Variants in LIX1 observed in about 807,000 individuals in gnomAD.
LIX1 encodes the protein protein limb expression 1 homolog.
Under a neutral mutation model 33.4 loss-of-function variants are expected in LIX1, and 24 were observed. The observed-to-expected ratio is 0.72, with a 90% CI of 0.52 to 1.01. LIX1 has a LOEUF of 1.01. Among genes scored for constraint, LIX1 ranks in the 50% least tolerant of loss-of-function variants. LIX1 has a pLI of 0.00. For missense variants in LIX1, 311 were observed against 339.2 expected (o/e 0.92, Z 0.65); for synonymous variants, 124 against 124.0 (o/e 1.00, Z 0.00).
chr5:97,121,069 T>C (rs1747772267), intron 2 of LIX1, among the ~76,000 whole-genome samples: 1 of 152,226 alleles, frequency 6.6e-6, no homozygotes, highest in South Asian at 2.1e-4. Flanking sequence ...GAAATAGTTT[T>C]TGATTTTGTT....
chr5:97,092,072 G>A lies in LIX1; in HGVS notation c.*2676C>T, dbSNP rs17630580. 0.032 allele frequency: 4,857 copies of A among 152,346 alleles called. 121 individuals carry two copies. The highest frequency in any genetic ancestry group is 0.083 in the South Asian group (399 of 4,822). 9.4% of individuals were successfully genotyped at this position (152,346 alleles called of 1,614,324 possible). A position where few individuals can be genotyped will look rare whatever the true frequency, so the allele number is the denominator to read the frequency against. On this transcript the variant is annotated 3_prime_UTR_variant, in exon 6 of 6. Transcript: ENST00000274382. ...AGTTGTGTTAGAAACAGGCTACCTG[G>A]GCTATGTCTGAGTTATGTTGGATCC... is the stretch of plus-strand genomic sequence containing the variant.
chr5:97,124,772 G>T, intron 1 of LIX1, 143 bp from the exon 2 acceptor site: 2 of 468,866 alleles, frequency 4.3e-6, no homozygotes, highest in Admixed American at 7.7e-5. Flanking sequence ...GGGTGGAGGG[G>T]CTTTTAGCTG....
In LIX1 at chr5:97,094,668, C is replaced by A. The variant is rs1746252025; in HGVS notation, c.*80G>T. The A allele has an allele frequency of 6.0e-6, 8 of 1,333,212 alleles. No individual in the cohort carries two copies. The South Asian group carries it at 6.8e-5, about 11-fold the overall frequency. The allele number at this position is 1,333,212 out of a possible 1,614,324, so 82.6% of individuals were successfully genotyped here. A position where few individuals can be genotyped will look rare whatever the true frequency, so the allele number is the denominator to read the frequency against. ...TCAGGTAGTACTAGAGATGCTGGAG[C>A]CTCTGAGGACCTCTGCACTGAGATT... is the stretch of plus-strand genomic sequence containing the variant. On this transcript the variant is annotated 3_prime_UTR_variant, in exon 6 of 6. Transcript: ENST00000274382.
intron 1 of LIX1, among the ~76,000 whole-genome samples, chr5:97,135,451 G>A (rs1748151420): frequency 1.3e-5 from 2 of 152,194 alleles, no homozygotes; most frequent in African/African-American, 4.8e-5. Context: ...GAAGCCTGAT[G>A]TACCCTATTT....
intron 1 of LIX1, among the ~76,000 whole-genome samples, chr5:97,125,181 A>C (rs1212359429): frequency 1.3e-5 from 2 of 152,230 alleles, no homozygotes; most frequent in African/African-American, 4.8e-5. Context: ...GAGGCTGGAA[A>C]AATCCATGAG....
intron 2 of LIX1, among the ~76,000 whole-genome samples, chr5:97,116,381 T>C (rs1475185384): frequency 6.6e-6 from 1 of 151,992 alleles, no homozygotes; most frequent in Non-Finnish European, 1.5e-5. Flanking sequence ...GCTGCAAATA[T>C]GTTGGGAACA....
chr5:97,124,522 G>T lies in LIX1; in HGVS notation c.190C>A (p.Pro64Thr), dbSNP rs1189468561. Reference protein sequence around the residue: ...VVYESLPAPGPPFVSYVTLPG... With the variant: ...VVYESLPAPGTPFVSYVTLPG... Reference sequence around the variant, plus strand: ...AGGGTCACGTAACTCACAAAGGGAGGCCCAGGAGCTGGCAGTGACTCATAG... The same window carrying T: ...AGGGTCACGTAACTCACAAAGGGAGTCCCAGGAGCTGGCAGTGACTCATAG... Residue 64 changes from proline (P) to threonine (T), a missense_variant, in exon 2 of 6, where the codon CCT becomes ACT. Physicochemically the swap from Pro to Thr is conservative, Grantham distance 38 (BLOSUM62 -1). Transcript: ENST00000274382. 1 of 1,611,306 alleles carries T rather than the reference G, an allele frequency of 6.2e-7. No homozygotes were observed.
At chr5:97,110,301 A>G (rs1024607199) in intron 2 of LIX1, among the ~76,000 whole-genome samples, 4 of 152,250 alleles carry the variant, frequency 2.6e-5, no homozygotes, top group African/African-American at 4.8e-5. Context: ...GGAGAATTAA[A>G]ACAAACACAA....
At position 97,100,342 on chromosome 5, in the gene LIX1, C is replaced by CT. The variant is rs570865100; in HGVS notation, c.484-3456dup. ...AAATTTCTATCCCATCACGAAGCAG[C>CT]TTTTTTTTTCTCTCCAGTAACACAA... On this transcript the variant is annotated intron_variant, in intron 4 of 5. Transcript: ENST00000274382. Among the ~76,000 whole-genome samples, 144 of 151,642 alleles carry CT rather than the reference C, an allele frequency of 9.5e-4. 1 individual carries two copies. The highest frequency in any genetic ancestry group is 1.6e-3 in the Admixed American group (24 of 15,244).
intron 4 of LIX1, among the ~76,000 whole-genome samples, chr5:97,098,865 G>A (rs1381991658): frequency 6.6e-6 from 1 of 152,174 alleles, no homozygotes; most frequent in Non-Finnish European, 1.5e-5. Context: ...CAGATTATTA[G>A]AAGAGCAAAT....
chr5:97,116,641 G>A (rs10039917), intron 2 of LIX1, among the ~76,000 whole-genome samples: 54,760 of 152,040 alleles, frequency 0.36, 11,973 homozygotes, highest in African/African-American at 0.62. Flanking sequence ...TTACAAGCCT[G>A]TGTTGTGCTT....
chr5:97,101,214 T>G (rs978411163), intron 4 of LIX1, among the ~76,000 whole-genome samples: 5 of 152,190 alleles, frequency 3.3e-5, no homozygotes, highest in Non-Finnish European at 5.9e-5. Flanking sequence ...AATTTTGAGT[T>G]TAAAAAATAA....
intron 4 of LIX1, among the ~76,000 whole-genome samples, chr5:97,103,971 G>GAAAAAAAAAAAAAAAAAAA (rs36039071): frequency 9.3e-6 from 1 of 107,406 alleles, no homozygotes; most frequent in African/African-American, 3.0e-5. Flanking sequence ...TCTCAAAAAA[G>GAAAAAAAAAAAAAAAAAAA]AAAAAAAAAA....
intron 2 of LIX1, among the ~76,000 whole-genome samples, chr5:97,108,701 T>G (rs1747204628): frequency 1.3e-5 from 2 of 151,748 alleles, no homozygotes; most frequent in South Asian, 2.1e-4. Context: ...TCCTGGTCAG[T>G]GGGGTGGCCG....
chr5:97,135,825 A>ATTTT (rs1748160356), intron 1 of LIX1, among the ~76,000 whole-genome samples: 1 of 152,020 alleles, frequency 6.6e-6, no homozygotes, highest in South Asian at 2.1e-4. Context: ...TCTCAAAATT[A>ATTTT]ATAAAAATAA....
rs977441003 is a variant in LIX1, at chr5:97,092,633, A to G, written c.*2115T>C. The G allele has an allele frequency of 6.6e-6, 1 of 151,970 alleles. No individual in the cohort carries two copies. The highest frequency in any genetic ancestry group is 2.4e-5 in the African/African-American group (1 of 41,424). 9.4% of individuals were successfully genotyped at this position (151,970 alleles called of 1,614,324 possible). On this transcript the variant is annotated 3_prime_UTR_variant, in exon 6 of 6. Transcript: ENST00000274382. ...AAAAGCTGACAGTGGCCAAGGGAGA[A>G]CCTCTATATTCAATTTACAGAATGG... is the stretch of plus-strand genomic sequence containing the variant.
intron 1 of LIX1, among the ~76,000 whole-genome samples, chr5:97,137,936 A>T (rs1419241690): frequency 6.6e-6 from 1 of 152,198 alleles, no homozygotes; most frequent in Non-Finnish European, 1.5e-5. Context: ...TTGCTCTCTC[A>T]TGCTGCATAT....
intron 1 of LIX1, among the ~76,000 whole-genome samples, chr5:97,131,778 G>A (rs1003374963): frequency 1.3e-5 from 2 of 152,234 alleles, no homozygotes; most frequent in South Asian, 2.1e-4. Context: ...TAGAAAGTAA[G>A]TGAAGTCACT....
chr5:97,110,469 A>T (rs781697741), intron 2 of LIX1, among the ~76,000 whole-genome samples: 4 of 151,892 alleles, frequency 2.6e-5, no homozygotes, highest in Non-Finnish European at 5.9e-5. Context: ...ATGGAGTTTC[A>T]CTCTTGTTGC....
Sources: gnomAD v4.1 joint callset for allele counts (sites outside exome capture counted in the v4.1 genomes callset) on GRCh38, gnomAD v4.1.1 for gene constraint, MANE v1.5 for transcripts, NCBI Gene and HGNC (gene_info 2026-07-23, HGNC 2026-07-21) for gene names.